The following RSF1 variants were observed in gnomAD, a reference collection of about 807,000 sequenced individuals.
RSF1 encodes remodeling and spacing factor 1.
A neutral mutation model predicts 145.2 loss-of-function variants in RSF1; 13 were observed. The observed-to-expected ratio is 0.09, with a 90% confidence interval of 0.06 to 0.14. The LOEUF (loss-of-function observed/expected upper bound fraction) is 0.14. Among genes scored for constraint, RSF1 ranks in the 10% least tolerant of loss-of-function variants. RSF1 has a pLI of 1.00. For missense variants in RSF1, 1,517 were observed against 1,718.2 expected (o/e 0.88, Z 2.07); for synonymous variants, 577 against 592.6 (o/e 0.97, Z 0.38).
chr11:77,804,138 G>C (rs1284006789), intron 1 of RSF1, among the ~76,000 whole-genome samples: 2 of 152,314 alleles, frequency 1.3e-5, no homozygotes, highest in East Asian at 3.9e-4. Flanking sequence ...GTGCTGGGAA[G>C]GTGACATGCC....
intron 4 of RSF1, among the ~76,000 whole-genome samples, chr11:77,738,142 CAAAAG>C (rs1473031092): frequency 6.7e-6 from 1 of 150,002 alleles, no homozygotes; most frequent in African/African-American, 2.5e-5. Context: ...AAACAAAAAA[CAAAAG>C]AAAAGCGAAT....
chr11:77,831,245 C>T, the RSF1 span, among the ~76,000 whole-genome samples: 6 of 152,162 alleles, frequency 3.9e-5, no homozygotes, highest in Non-Finnish European at 2.9e-5. Flanking sequence ...CTCATCACTG[C>T]TAGTGGAATT....
rs1959292572 is a variant in RSF1, at chr11:77,663,758, C to T, written c.*3159G>A. On this transcript the variant is annotated 3_prime_UTR_variant, in exon 16 of 16. Coordinates refer to ENST00000308488, the MANE Select transcript of RSF1 (RefSeq NM_016578.4). ...GTTTTCAGTCTGCGTCCTTTTCACA[C>T]ATATTTCAGTTCAAAGCTTCTGCTG... The T allele has an allele frequency of 6.6e-6, 1 of 152,204 alleles. No homozygotes were observed. Among genetic ancestry groups the T allele is most frequent in the Non-Finnish European group, 1.5e-5 (1 of 68,030 alleles). The allele number at this position is 152,204 out of a possible 1,614,324, so 9.4% of individuals were successfully genotyped here. A position where few individuals can be genotyped will look rare whatever the true frequency, so the allele number is the denominator to read the frequency against.
rs1302449183 is a variant in RSF1 at position 77,693,624 on chromosome 11, C to CA, written c.2716-14dup. The stretch of plus-strand genomic sequence containing the variant: ...CACACAGAAGAATCTGAAATAACCA[C>CA]ACTGATGTCAACCTAACTATGACTA... On this transcript the variant is annotated splice_polypyrimidine_tract_variant and intron_variant, in intron 7 of 15. Transcript: ENST00000308488. 6.3e-7 allele frequency: 1 copy of CA among 1,585,530 alleles called. No homozygotes were observed. Among genetic ancestry groups the CA allele is most frequent in the Non-Finnish European group, 8.7e-7 (1 of 1,155,138 alleles).
the RSF1 span, among the ~76,000 whole-genome samples, chr11:77,866,203 A>G: frequency 6.6e-6 from 1 of 152,340 alleles, no homozygotes; most frequent in Non-Finnish European, 1.5e-5. Flanking sequence ...GACAGACAGG[A>G]TGCCATCTTG....
chr11:77,749,684 T>C (rs1231626218), intron 2 of RSF1, among the ~76,000 whole-genome samples: 1 of 152,228 alleles, frequency 6.6e-6, no homozygotes, highest in Non-Finnish European at 1.5e-5. Flanking sequence ...TTAACTTAAA[T>C]TTACTGACCT....
At chr11:77,823,172 G>A (rs2136018667), upstream of RSF1, among the ~76,000 whole-genome samples, 1 of 125,894 alleles carries the variant, frequency 7.9e-6, no homozygotes, top group South Asian at 2.5e-4. Context: ...CCAAGGTTGT[G>A]CCACTGCACT....
chr11:77,823,621 CAAAAAAAAAA>C (rs397970373), upstream of RSF1, among the ~76,000 whole-genome samples: 45 of 97,646 alleles, frequency 4.6e-4, no homozygotes, highest in African/African-American at 1.8e-3. Flanking sequence ...CACCCTGTCT[CAAAAAAAAAA>C]AAAAAAAAAA....
At chr11:77,752,117 TCAG>T (rs1435318878) in intron 2 of RSF1, among the ~76,000 whole-genome samples, 1 of 152,184 alleles carries the variant, frequency 6.6e-6, no homozygotes, top group Admixed American at 6.5e-5. Flanking sequence ...GCAAAAGTCC[TCAG>T]CAGAACTTCC....
chr11:77,781,677 G>A (rs764347525), intron 1 of RSF1, among the ~76,000 whole-genome samples: 2 of 152,056 alleles, frequency 1.3e-5, no homozygotes, highest in Non-Finnish European at 2.9e-5. Context: ...ATAGTGTTCT[G>A]GAAATATCAA....
At chr11:77,736,279 A>T (rs1961351004) in intron 4 of RSF1, among the ~76,000 whole-genome samples, 1 of 152,224 alleles carries the variant, frequency 6.6e-6, no homozygotes, top group African/African-American at 2.4e-5. Flanking sequence ...TTCTTCTACA[A>T]ATCAATCCTT....
chr11:77,663,827 A>G lies in RSF1; in HGVS notation c.*3090T>C, dbSNP rs1959294085. On this transcript the variant is annotated 3_prime_UTR_variant, in exon 16 of 16. Coordinates refer to ENST00000308488, the MANE Select transcript of RSF1 (RefSeq NM_016578.4). The stretch of plus-strand genomic sequence containing the variant: ...TTTCAAACCTTTTCAGAAATTGCAA[A>G]CTAAATATACTGAATATTAATCTAC... 6.6e-6 allele frequency: 1 copy of G among 152,208 alleles called. No individual in the cohort carries two copies. The highest frequency in any genetic ancestry group is 6.5e-5 in the Admixed American group (1 of 15,274). The allele number at this position is 152,208 out of a possible 1,614,324, so 9.4% of individuals were successfully genotyped here. A position where few individuals can be genotyped will look rare whatever the true frequency, so the allele number is the denominator to read the frequency against.
intron 4 of RSF1, chr11:77,734,543 G>A: frequency 1.3e-6 from 2 of 1,568,504 alleles, no homozygotes; most frequent in Non-Finnish European, 1.7e-6. Flanking sequence ...CCAGATTCGA[G>A]TGCTCCCATC....
At chr11:77,761,381 TTC>T (rs1379482851) in intron 2 of RSF1, among the ~76,000 whole-genome samples, 1 of 152,194 alleles carries the variant, frequency 6.6e-6, no homozygotes, top group South Asian at 2.1e-4. Flanking sequence ...GTTACAGTAT[TTC>T]TTTTTTTTTT....
chr11:77,699,870 A>G (rs919553220), intron 6 of RSF1, among the ~76,000 whole-genome samples: 1 of 152,220 alleles, frequency 6.6e-6, no homozygotes, highest in African/African-American at 2.4e-5. Flanking sequence ...TGAGTGGTTA[A>G]ATAAACTGAG....
chr11:77,678,193 CT>C (rs5792773), intron 11 of RSF1, 40 bp from the exon 12 acceptor site: 205,941 of 606,152 alleles, frequency 0.34, 13,223 homozygotes, highest in Admixed American at 0.4. Context: ...CCTGTCCTGG[CT>C]TTTTTTTTTT....
At chr11:77,785,841 G>C (rs920823454) in intron 1 of RSF1, among the ~76,000 whole-genome samples, 6 of 145,518 alleles carry the variant, frequency 4.1e-5, no homozygotes, top group Non-Finnish European at 7.5e-5. Flanking sequence ...CAGGAGAATG[G>C]CGTGAACCTG....
At position 77,701,256 on chromosome 11, in the gene RSF1, C is replaced by G; in HGVS notation, c.1973G>C (p.Gly658Ala). 6.2e-7 allele frequency: 1 copy of G among 1,614,102 alleles called. No individual in the cohort carries two copies. Among genetic ancestry groups the G allele is most frequent in the Non-Finnish European group, 8.5e-7 (1 of 1,180,012 alleles). Residue 658 changes from glycine to alanine, a missense_variant, in exon 6 of 16, where the codon GGC (glycine) becomes GCC (alanine). Physicochemically the swap from Gly to Ala is moderately conservative, Grantham distance 60 (BLOSUM62 0). Transcript: ENST00000308488. Reference sequence around the variant, plus strand: ...TAGGTCTACTTTTTTCACAGACTGGCCACCAACAGTACTTGTACTCTGGCA... The same window carrying G: ...TAGGTCTACTTTTTTCACAGACTGGGCACCAACAGTACTTGTACTCTGGCA... ...VECQSTSTVG[G>A]QSVKKVDLET...
At chr11:77,755,142 G>T (rs1407220048) in intron 2 of RSF1, among the ~76,000 whole-genome samples, 1 of 152,208 alleles carries the variant, frequency 6.6e-6, no homozygotes, top group Non-Finnish European at 1.5e-5. Context: ...AAAATAGTAT[G>T]ATCTGATTAA....
Sources: gnomAD v4.1 joint callset for allele counts (sites outside exome capture counted in the v4.1 genomes callset) on GRCh38, gnomAD v4.1.1 for gene constraint, MANE v1.5 for transcripts, NCBI Gene and HGNC (gene_info 2026-07-23, HGNC 2026-07-21) for gene names.